The following CACNB2 variants were observed in gnomAD, a reference collection of about 807,000 sequenced individuals.
CACNB2 encodes voltage-dependent L-type calcium channel subunit beta-2.
A neutral mutation model predicts 73.3 loss-of-function variants in CACNB2; 42 were observed. That is an observed-to-expected ratio of 0.57 (90% CI 0.45 to 0.74). The LOEUF (loss-of-function observed/expected upper bound fraction) is 0.74. CACNB2 is among the 30% of genes least tolerant of loss of function. The pLI, the probability that CACNB2 is intolerant of heterozygous loss-of-function variation, is 0.00. For synonymous variants in CACNB2, 348 were observed against 310.3 expected, an observed-to-expected ratio of 1.12 and a Z score of -1.28; for missense variants, 940 against 853.0, an observed-to-expected ratio of 1.10 and a Z score of -1.27.
intron 2 of CACNB2, among the ~76,000 whole-genome samples, chr10:18,354,714 T>G (rs2041843326): frequency 6.6e-6 from 1 of 152,170 alleles, no homozygotes; most frequent in Non-Finnish European, 1.5e-5. Context: ...GAGTGGGGAC[T>G]TCTGAGAAGT....
intron 2 of CACNB2, among the ~76,000 whole-genome samples, chr10:18,246,279 G>A (rs955666856): frequency 6.6e-6 from 1 of 152,146 alleles, no homozygotes; most frequent in African/African-American, 2.4e-5. Flanking sequence ...ATAATTAAAT[G>A]TGAAGTGCTC....
At chr10:18,220,239 A>AGTTG (rs1291259522) in intron 2 of CACNB2, among the ~76,000 whole-genome samples, 16 of 69,438 alleles carry the variant, frequency 2.3e-4, no homozygotes, top group African/African-American at 5.3e-4. Flanking sequence ...ATATAGAGAG[A>AGTTG]GAGAGAGAGA....
chr10:18,481,421 AT>A (rs2048769621), intron 3 of CACNB2, among the ~76,000 whole-genome samples: 1 of 149,128 alleles, frequency 6.7e-6, no homozygotes. Flanking sequence ...TAGTTTTTGT[AT>A]TTTTAGTAGA....
intron 2 of CACNB2, among the ~76,000 whole-genome samples, chr10:18,360,931 G>A (rs1041746239): frequency 6.6e-6 from 1 of 152,174 alleles, no homozygotes; most frequent in Non-Finnish European, 1.5e-5. Flanking sequence ...AATCATCAAA[G>A]CCAAGAGGTT....
chr10:18,530,335 C>T (rs1016061005), intron 10 of CACNB2, among the ~76,000 whole-genome samples: 1 of 152,088 alleles, frequency 6.6e-6, no homozygotes, highest in East Asian at 1.9e-4. Flanking sequence ...ACAAAGTCCT[C>T]TTTCTCATAG....
intron 2 of CACNB2, among the ~76,000 whole-genome samples, chr10:18,275,948 G>C (rs1376076338): frequency 6.6e-6 from 1 of 152,196 alleles, no homozygotes; most frequent in Non-Finnish European, 1.5e-5. Flanking sequence ...ATTGCCACGA[G>C]AGTGGTGAAA....
At chr10:18,493,783 T>C (rs2049608275) in intron 3 of CACNB2, among the ~76,000 whole-genome samples, 1 of 152,190 alleles carries the variant, frequency 6.6e-6, no homozygotes, top group Non-Finnish European at 1.5e-5. Flanking sequence ...GGAGAATACC[T>C]TCCACATTGT....
At chr10:18,229,995 C>A (rs1164042012) in intron 2 of CACNB2, among the ~76,000 whole-genome samples, 1 of 152,202 alleles carries the variant, frequency 6.6e-6, no homozygotes, top group East Asian at 1.9e-4. Context: ...CATAAGTCAG[C>A]CTCATGAATC....
At chr10:18,406,461 C>T (rs1191813649) in intron 3 of CACNB2, among the ~76,000 whole-genome samples, 1 of 152,208 alleles carries the variant, frequency 6.6e-6, no homozygotes, top group Non-Finnish European at 1.5e-5. Context: ...AGCTCCGCCT[C>T]CTGTCAGATC....
At chr10:18,190,282 C>T (rs1228723137) in intron 2 of CACNB2, among the ~76,000 whole-genome samples, 1 of 152,150 alleles carries the variant, frequency 6.6e-6, no homozygotes, top group Non-Finnish European at 1.5e-5. Flanking sequence ...TTCTCAGATA[C>T]AGAGGGTTCA....
intron 2 of CACNB2, among the ~76,000 whole-genome samples, chr10:18,400,177 A>C (rs770238211): frequency 2.6e-5 from 4 of 152,238 alleles, no homozygotes; most frequent in African/African-American, 4.8e-5. Flanking sequence ...TCTTGTTTGG[A>C]AAGTCACAAG....
chr10:18,359,535 A>G (rs1356580631), intron 2 of CACNB2, among the ~76,000 whole-genome samples: 1 of 152,106 alleles, frequency 6.6e-6, no homozygotes, highest in Non-Finnish European at 1.5e-5. Flanking sequence ...TGGCCTCCCA[A>G]AGTGTTAGGA....
At chr10:18,462,533 G>T (rs867179280) in intron 3 of CACNB2, among the ~76,000 whole-genome samples, 1 of 152,074 alleles carries the variant, frequency 6.6e-6, no homozygotes, top group Admixed American at 6.6e-5. Flanking sequence ...GGGATTATGG[G>T]CATGAACCAC....
intron 3 of CACNB2, among the ~76,000 whole-genome samples, chr10:18,475,471 T>G (rs894363236): frequency 1.3e-5 from 2 of 152,138 alleles, no homozygotes; most frequent in Non-Finnish European, 2.9e-5. Flanking sequence ...TATAAGAGTT[T>G]TAGGAGCTGC....
chr10:18,243,621 G>T (rs2036746929), intron 2 of CACNB2, among the ~76,000 whole-genome samples: 1 of 152,180 alleles, frequency 6.6e-6, no homozygotes, highest in African/African-American at 2.4e-5. Flanking sequence ...CTTCCTCGGG[G>T]ATGAGTGAGT....
chr10:18,226,166 AC>A (rs1298015575), intron 2 of CACNB2, among the ~76,000 whole-genome samples: 1 of 151,868 alleles, frequency 6.6e-6, no homozygotes, highest in African/African-American at 2.4e-5. Flanking sequence ...AGCTGGGACT[AC>A]AGGTGTGTGC....
At chr10:18,173,599 G>T (rs1221594002) in intron 2 of CACNB2, among the ~76,000 whole-genome samples, 1 of 151,986 alleles carries the variant, frequency 6.6e-6, no homozygotes. Context: ...GTGGGTTTAG[G>T]GTTCCTTACA....
At chr10:18,241,888 A>G (rs1375279854) in intron 2 of CACNB2, among the ~76,000 whole-genome samples, 1 of 152,104 alleles carries the variant, frequency 6.6e-6, no homozygotes, top group Non-Finnish European at 1.5e-5. Flanking sequence ...ATATTTTGAA[A>G]GAGAAGAATT....
intron 6 of CACNB2, among the ~76,000 whole-genome samples, chr10:18,511,891 CAGG>C (rs536591279): frequency 3.6e-4 from 55 of 152,284 alleles, no homozygotes; most frequent in African/African-American, 1.2e-3. Flanking sequence ...CTCACTTACG[CAGG>C]AGGAGTAGGT....
Sources: allele counts gnomAD v4.1 joint callset (sites outside exome capture counted in the v4.1 genomes callset), GRCh38; gene constraint gnomAD v4.1.1; transcripts MANE v1.5; gene names NCBI Gene and HGNC (gene_info 2026-07-23, HGNC 2026-07-21).